The following APOH variants were observed in gnomAD, a reference collection of about 807,000 sequenced individuals.
APOH encodes the protein apolipoprotein H.
APOH carries 48 observed loss-of-function variants against 39.8 expected under a neutral mutation model. That is an observed-to-expected ratio of 1.21 (90% CI 0.96 to 1.54). The LOEUF (loss-of-function observed/expected upper bound fraction) is 1.54. APOH is among the 40% of genes most tolerant of loss of function. APOH has a pLI of 0.00. For synonymous variants in APOH, 153 were observed against 151.1 expected (o/e 1.01, Z -0.09); for missense variants, 415 against 421.2 (o/e 0.99, Z 0.13).
intron 6 of APOH, among the ~76,000 whole-genome samples, chr17:66,215,598 C>T (rs2073360368): frequency 6.6e-6 from 1 of 152,180 alleles, no homozygotes; most frequent in Non-Finnish European, 1.5e-5. Flanking sequence ...GCCTGCTGCC[C>T]CAGAGTTCCT....
At chr17:66,217,344 A>ACCCC (rs35673901) in intron 5 of APOH, among the ~76,000 whole-genome samples, 27 of 125,870 alleles carry the variant, frequency 2.1e-4, no homozygotes, top group South Asian at 2.9e-4. Flanking sequence ...CAAAGACTGA[A>ACCCC]CCCCCCCCCC....
chr17:66,227,028 G>A (rs1374141445), intron 2 of APOH, among the ~76,000 whole-genome samples: 1 of 151,936 alleles, frequency 6.6e-6, no homozygotes, highest in Non-Finnish European at 1.5e-5. Context: ...GACTACAGGC[G>A]CATGCCAGCA....
In APOH at chr17:66,217,060, A is replaced by C. The variant is rs904938822; in HGVS notation, c.605-93T>G. On this transcript the variant is annotated intron_variant, in intron 5 of 7. Coordinates refer to ENST00000205948, the MANE Select transcript of APOH (RefSeq NM_000042.3). ...CATCCTTGTCTCTGTCACACCACTG[A>C]ATCACTGTGTGTTCCTGTAACTGGA... The C allele has an allele frequency of 1.4e-5, 15 of 1,062,216 alleles. No homozygotes were observed. In the Admixed American group the frequency reaches 4.3e-4, roughly 31 times the overall value. The allele number at this position is 1,062,216 out of a possible 1,614,324, so 65.8% of individuals were successfully genotyped here.
intron 4 of APOH, among the ~76,000 whole-genome samples, chr17:66,222,990 G>A (rs953366377): frequency 4.6e-5 from 7 of 152,306 alleles, no homozygotes; most frequent in South Asian, 2.1e-4. Flanking sequence ...ACATAAGAAC[G>A]TCCTTCCCTA....
chr17:66,214,096 G>C (rs2073350297), intron 7 of APOH, among the ~76,000 whole-genome samples: 1 of 152,104 alleles, frequency 6.6e-6, no homozygotes, highest in African/African-American at 2.4e-5. Flanking sequence ...GTTTCGCTCT[G>C]TTGCCCAGGC....
At chr17:66,212,670 C>A (rs1415100039) in intron 7 of APOH, among the ~76,000 whole-genome samples, 1 of 152,144 alleles carries the variant, frequency 6.6e-6, no homozygotes, top group Non-Finnish European at 1.5e-5. Context: ...TGAGCCACTG[C>A]GCCTGGCCAA....
chr17:66,218,024 G>A (rs1464646755), intron 5 of APOH, among the ~76,000 whole-genome samples: 1 of 152,044 alleles, frequency 6.6e-6, no homozygotes, highest in Non-Finnish European at 1.5e-5. Flanking sequence ...ATAGAGGGAA[G>A]CCAGTGAATA....
At chr17:66,214,354 T>C in intron 7 of APOH, 99 bp downstream of exon 7, 14 of 1,182,374 alleles carry the variant, frequency 1.2e-5, no homozygotes, top group South Asian at 8.9e-5. Context: ...CCACCGCACC[T>C]GGCCTCATCT....
chr17:66,225,792 G>A (rs529197078), intron 3 of APOH, among the ~76,000 whole-genome samples: 4 of 152,186 alleles, frequency 2.6e-5, no homozygotes, highest in Non-Finnish European at 5.9e-5. Flanking sequence ...CAGGAGAATG[G>A]TGTGAACCCA....
At chr17:66,215,553 A>T (rs775925925) in intron 6 of APOH, among the ~76,000 whole-genome samples, 1 of 152,134 alleles carries the variant, frequency 6.6e-6, no homozygotes, top group Non-Finnish European at 1.5e-5. Flanking sequence ...GCTTCTAGGG[A>T]ACTGTAACCT....
chr17:66,216,008 G>A (rs2073362736), intron 6 of APOH, among the ~76,000 whole-genome samples: 1 of 151,982 alleles, frequency 6.6e-6, no homozygotes. Context: ...ATGTGTGGTT[G>A]GTTTTTGCAA....
chr17:66,220,784 G>A, intron 4 of APOH, 42 bp from the exon 5 acceptor site: 1 of 1,539,606 alleles, frequency 6.5e-7, no homozygotes, highest in South Asian at 1.2e-5. Context: ...AAATAGTTAA[G>A]GCTTTTAAAT....
chr17:66,214,535 G>C lies in APOH; in HGVS notation c.900C>G (p.Cys300Trp). The C allele has an allele frequency of 6.2e-7, 1 of 1,613,928 alleles. No homozygotes were observed. Among genetic ancestry groups the C allele is most frequent in the Non-Finnish European group, 8.5e-7 (1 of 1,179,958 alleles). ...AGCTACACTTCTTTTCCTTATTTTTGCAGAAGAAAGAAACTTTATCACCAT... is the reference window on the plus strand; with the variant it reads ...AGCTACACTTCTTTTCCTTATTTTTCCAGAAGAAAGAAACTTTATCACCAT... The part of the protein sequence containing the change: ...MLHGDKVSFF[C>W]KNKEKKCSYT... Residue 300 changes from cysteine to tryptophan, a missense_variant, in exon 7 of 8, where the codon TGC becomes TGG. This residue lies in a region of APOH where 120 missense variants were observed against 110.6 expected (regional missense o/e 1.08). Coordinates refer to ENST00000205948, the MANE Select transcript of APOH (RefSeq NM_000042.3).
intron 3 of APOH, among the ~76,000 whole-genome samples, chr17:66,224,670 AGGGAAGGGAAGGGAAGGGAAG>A (rs2073425756): frequency 2.3e-5 from 1 of 44,076 alleles, no homozygotes; most frequent in African/African-American, 1.2e-4. Flanking sequence ...AGGGAAGGGA[AGGGAAGGGAAGGGAAGGGAAG>A]GGAAAGGAAA....
At chr17:66,223,625 GA>G (rs1356024126) in intron 4 of APOH, 72 bp downstream of exon 4, 16 of 1,282,238 alleles carry the variant, frequency 1.2e-5, no homozygotes, top group Non-Finnish European at 1.8e-5. Context: ...AGAGATTCCA[GA>G]TGTGAGACTT....
chr17:66,221,900 T>C (rs1366596589), intron 4 of APOH, among the ~76,000 whole-genome samples: 1 of 152,194 alleles, frequency 6.6e-6, no homozygotes, highest in African/African-American at 2.4e-5. Flanking sequence ...GTCCAGGGGC[T>C]AGCAGCACGG....
chr17:66,221,342 GGAAA>G (rs895896105), intron 4 of APOH, among the ~76,000 whole-genome samples: 5 of 114,686 alleles, frequency 4.4e-5, no homozygotes, highest in African/African-American at 6.6e-5. Context: ...AAGAAAGAAA[GGAAA>G]GAAAGAAAGA....
Position 66,212,173 on chromosome 17 carries a change from G to T in APOH, c.998C>A (p.Ala333Asp). 1 of 1,613,772 alleles carries T rather than the reference G, an allele frequency of 6.2e-7. No homozygotes were observed. Among genetic ancestry groups the T allele is most frequent in the African/African-American group, 1.3e-5 (1 of 75,022 alleles). The change falls in exon 8 of 8, where the codon GCT (alanine) becomes GAT (aspartate). Residue 333 changes from alanine to aspartate, a missense_variant. By Grantham distance (126) the Ala-to-Asp change is moderately radical. Transcript: ENST00000205948. ...ATCGGATGCATCAGTTTTCCAAAAA[G>T]CCAGAGAACTGTGTTCTGTTGGGGG... ...PKCFKEHSSL[A>D]FWKTDASDVK...
chr17:66,220,930 C>T (rs951325209), intron 4 of APOH, among the ~76,000 whole-genome samples, 188 bp from the exon 5 acceptor site: 12 of 151,998 alleles, frequency 7.9e-5, no homozygotes, highest in East Asian at 1.9e-4. Context: ...CGGTGGCTCA[C>T]GCCTGTAATC....
Sources: gnomAD v4.1 joint callset for allele counts (sites outside exome capture counted in the v4.1 genomes callset) on GRCh38, gnomAD v4.1.1 for gene constraint, gnomAD v4.1.1 regional missense constraint, MANE v1.5 for transcripts, NCBI Gene and HGNC (gene_info 2026-07-23, HGNC 2026-07-21) for gene names.